BTG4: variants seen among roughly 807,000 people sequenced by gnomAD.
The protein encoded by BTG4 is BTG anti-proliferation factor 4.
Under a neutral mutation model 19.3 loss-of-function variants are expected in BTG4, and 10 were observed. The ratio of observed to expected loss-of-function variants is 0.52; its 90% CI spans 0.32 to 0.88. The LOEUF (loss-of-function observed/expected upper bound fraction) is 0.88. BTG4 is among the 40% of genes least tolerant of loss of function. The pLI is 0.04. For missense variants in BTG4, 238 were observed against 281.9 expected (o/e 0.84, Z 1.11); for synonymous variants, 91 against 95.7 (o/e 0.95, Z 0.29).
chr11:111,452,036 C>A, the BTG4 span, among the ~76,000 whole-genome samples: 1 of 152,214 alleles, frequency 6.6e-6, no homozygotes, highest in Non-Finnish European at 1.5e-5. Context: ...CTCCCCCCGA[C>A]CCCCATCTGC....
chr11:111,433,850 A>G, the BTG4 span, among the ~76,000 whole-genome samples: 1 of 152,378 alleles, frequency 6.6e-6, no homozygotes, highest in South Asian at 2.1e-4. Flanking sequence ...CCACAGGGAG[A>G]TACCATCCCA....
chr11:111,463,011 T>C (rs1233877189), downstream of BTG4: 6 of 152,724 alleles, frequency 3.9e-5, no homozygotes, highest in African/African-American at 1.4e-4. Flanking sequence ...AGAAGGCTCA[T>C]CTTAACTTGG....
chr11:111,464,036 G>A (rs558343643), downstream of BTG4, among the ~76,000 whole-genome samples: 1 of 152,158 alleles, frequency 6.6e-6, no homozygotes, highest in Non-Finnish European at 1.5e-5. Flanking sequence ...TCTCTCTGTT[G>A]CCCAGGCTGT....
chr11:111,385,111 A>G, the BTG4 span: 1 of 152,144 alleles, frequency 6.6e-6, no homozygotes, highest in Admixed American at 6.5e-5. Context: ...AAAATAAAAC[A>G]AAAGTTAAAC....
rs147485753 is a variant in BTG4 at position 111,498,029 on chromosome 11, T to C, written c.280A>G (p.Ile94Val). 3.4e-5 allele frequency: 55 copies of C among 1,614,036 alleles called. No individual in the cohort carries two copies. The highest frequency in any genetic ancestry group is 4.1e-5 in the Non-Finnish European group (48 of 1,180,000). The change falls in exon 3 of 5, where the codon ATA becomes GTA. Residue 94 changes from isoleucine (I) to valine (V), a missense_variant. Transcript: ENST00000692032. Reference protein sequence around the residue: ...SHLGLPKEMTIWVDPFEVCCR... With the variant: ...SHLGLPKEMTVWVDPFEVCCR... ...CATACTTCAAAGGGATCTACCCATA[T>C]GGTCATCTCCTTCGGAAGTCCCAGG...
downstream of BTG4, among the ~76,000 whole-genome samples, chr11:111,467,193 C>T (rs1863770425): frequency 6.6e-6 from 1 of 152,154 alleles, no homozygotes; most frequent in African/African-American, 2.4e-5. Context: ...GAGACAGATA[C>T]TATTATTTTT....
downstream of BTG4, among the ~76,000 whole-genome samples, chr11:111,463,830 T>G (rs1206251475): frequency 6.6e-6 from 1 of 152,134 alleles, no homozygotes; most frequent in Non-Finnish European, 1.5e-5. Flanking sequence ...TGCTGGAGGA[T>G]TCACTTCCAA....
chr11:111,386,639 T>A, the BTG4 span, among the ~76,000 whole-genome samples: 4 of 152,120 alleles, frequency 2.6e-5, no homozygotes, highest in Non-Finnish European at 4.4e-5. Flanking sequence ...TTCATGAGAG[T>A]CTCAAGGTTA....
the BTG4 span, among the ~76,000 whole-genome samples, chr11:111,389,788 T>TA: frequency 5.5e-4 from 83 of 152,202 alleles, no homozygotes; most frequent in African/African-American, 1.8e-3. Flanking sequence ...GTTTTTCTTT[T>TA]AAAAAAACTC....
intron 5 of BTG4, among the ~76,000 whole-genome samples, chr11:111,485,859 G>C (rs146351814): frequency 2.0e-4 from 31 of 152,172 alleles, no homozygotes; most frequent in African/African-American, 7.5e-4. Context: ...TAAGAAAAAA[G>C]ATCTTTCCTG....
At chr11:111,500,137 G>A (rs1353185813) in intron 1 of BTG4, among the ~76,000 whole-genome samples, 5 of 149,846 alleles carry the variant, frequency 3.3e-5, no homozygotes, top group African/African-American at 9.9e-5. Context: ...GCAAGACTCC[G>A]TCTCAAAAAA....
At chr11:111,510,667 A>G (rs1309890504) in intron 1 of BTG4, among the ~76,000 whole-genome samples, 1 of 152,088 alleles carries the variant, frequency 6.6e-6, no homozygotes, top group Non-Finnish European at 1.5e-5. Flanking sequence ...ACTAGGCCAC[A>G]CATATTTTTT....
intron 1 of BTG4, among the ~76,000 whole-genome samples, chr11:111,510,629 C>T (rs1866826314): frequency 6.6e-6 from 1 of 151,774 alleles, no homozygotes; most frequent in African/African-American, 2.4e-5. Flanking sequence ...ACCCTAAGAA[C>T]AAGCATTCTT....
chr11:111,493,796 G>T (rs544808513), downstream of BTG4, among the ~76,000 whole-genome samples: 7 of 152,070 alleles, frequency 4.6e-5, no homozygotes, highest in Non-Finnish European at 8.8e-5. Flanking sequence ...GCTGCTATGT[G>T]CCCTAATGAA....
chr11:111,490,704 A>G (rs1240405640), downstream of BTG4, among the ~76,000 whole-genome samples: 1 of 152,234 alleles, frequency 6.6e-6, no homozygotes, highest in Admixed American at 6.5e-5. Context: ...AATTAAAACC[A>G]TACTAAGATA....
At chr11:111,473,549 T>C (rs1864209271) in intron 5 of BTG4, 1 of 152,068 alleles carries the variant, frequency 6.6e-6, no homozygotes, top group Non-Finnish European at 1.5e-5. Context: ...TGGAAATGAG[T>C]GATGGTATGA....
At chr11:111,433,711 A>AG in the BTG4 span, among the ~76,000 whole-genome samples, 1 of 8,490 alleles carries the variant, frequency 1.2e-4, no homozygotes, top group Non-Finnish European at 7.7e-4. Flanking sequence ...ATTTACAAGA[A>AG]AAAAACAACC....
chr11:111,443,334 G>A, the BTG4 span, among the ~76,000 whole-genome samples: 2 of 152,118 alleles, frequency 1.3e-5, no homozygotes, highest in African/African-American at 4.8e-5. Context: ...AACAGAAAAA[G>A]ACAATAGGTA....
rs185176564 is a variant in BTG4 at position 111,487,634 on chromosome 11, A to T, written c.662+7529T>A. On this transcript the variant is annotated intron_variant, in intron 5 of 5. Transcript: ENST00000356018. The stretch of plus-strand genomic sequence containing the variant: ...AACAACTAGATGAGAGAAAGAAATA[A>T]AGGGTATCCAAATTGGAAAGAAAGA... Among the ~76,000 whole-genome samples the T allele has an allele frequency of 6.6e-5, 10 of 152,306 alleles. No homozygotes were observed. The East Asian group carries it at 1.3e-3, about 21-fold the overall frequency.
Sources: gnomAD v4.1 joint callset for allele counts (sites outside exome capture counted in the v4.1 genomes callset) on GRCh38, gnomAD v4.1.1 for gene constraint, MANE v1.5 for transcripts, NCBI Gene and HGNC (gene_info 2026-07-23, HGNC 2026-07-21) for gene names.